DDX54: variants seen among roughly 807,000 people sequenced by gnomAD.
DDX54 encodes the protein ATP-dependent RNA helicase DDX54.
In DDX54, 67 loss-of-function variants were observed where a neutral mutation model predicts 105.5. The ratio of observed to expected loss-of-function variants is 0.64; its 90% confidence interval spans 0.52 to 0.78. The LOEUF (loss-of-function observed/expected upper bound fraction) is 0.78, where lower values mean the gene tolerates loss of function less well. Among genes scored for constraint, DDX54 ranks in the 30% least tolerant of loss-of-function variants. The probability of loss-of-function intolerance (pLI) is 0.00; values close to 1 mark genes in which losing one functional copy is unlikely to be tolerated. For missense variants in DDX54, 1,206 were observed against 1,230.5 expected (o/e 0.98, Z 0.30); for synonymous variants, 514 against 509.9 (o/e 1.01, Z -0.11).
intron 19 of DDX54, among the ~76,000 whole-genome samples, chr12:113,160,560 C>T (rs989684556): frequency 3.9e-5 from 6 of 152,222 alleles, no homozygotes; most frequent in African/African-American, 1.4e-4. Context: ...CTCTGGCAGA[C>T]AGAGCCGGCT....
Position 113,157,566 on chromosome 12 carries a change from G to A in DDX54, c.*1311C>T. On this transcript the variant is annotated 3_prime_UTR_variant, in exon 20 of 20. Coordinates refer to ENST00000306014, the MANE Select transcript of DDX54 (RefSeq NM_024072.4). ...GGGGTGGGGGCTGGACAGTGACTCT[G>A]GGGCTGGGATGTGACTTCGTGCTGG... 5 of 1,539,812 alleles carry A rather than the reference G, an allele frequency of 3.2e-6. No individual in the cohort carries two copies. Among genetic ancestry groups the A allele is most frequent in the Non-Finnish European group, 3.5e-6 (4 of 1,136,490 alleles).
In DDX54 at chr12:113,165,880, G is replaced by A. The variant is rs149566389; in HGVS notation, c.1567C>T (p.Arg523Cys). Residue 523 changes from arginine (R) to cysteine (C), a missense_variant, in exon 13 of 20, where the codon CGC becomes TGC. Physicochemically the swap from Arg to Cys is radical, Grantham distance 180. Transcript: ENST00000306014. The part of the protein sequence containing the change: ...DNAQQQYVRS[R>C]PAPSPESIKR... ...ATGGACTCAGGCGAGGGCGCCGGGC[G>A]TGAGCGCACATACTGCTGCTGGGCG... 1.1e-3 allele frequency: 1,746 copies of A among 1,613,696 alleles called. No individual in the cohort carries two copies. Among genetic ancestry groups the A allele is most frequent in the Non-Finnish European group, 1.4e-3 (1,657 of 1,180,012 alleles).
chr12:113,176,708 C>T, intron 7 of DDX54, 132 bp downstream of exon 7: 1 of 900,636 alleles, frequency 1.1e-6, no homozygotes, highest in Non-Finnish European at 1.7e-6. Context: ...GTCTGCAGCC[C>T]ACATCTGGGA....
At position 113,181,039 on chromosome 12, in the gene DDX54, A is replaced by AG; in HGVS notation, c.193dup (p.Leu65ProfsTer123). The AG allele has an allele frequency of 6.2e-7, 1 of 1,612,820 alleles. No homozygotes were observed. Among genetic ancestry groups the AG allele is most frequent in the East Asian group, 2.2e-5 (1 of 44,834 alleles). ...GCATTCCGAGGTGGGGAAGGTGGGC[A>AG]GGGGTCTTCCAGGTCCCAGCTGGGA... On this transcript the variant is annotated frameshift_variant, in exon 2 of 20. Transcript: ENST00000306014. LOFTEE classifies it high-confidence loss of function.
chr12:113,172,189 G>A (rs948383600), intron 11 of DDX54, among the ~76,000 whole-genome samples, 164 bp downstream of exon 11: 5 of 151,560 alleles, frequency 3.3e-5, no homozygotes, highest in African/African-American at 1.2e-4. Flanking sequence ...GCAGTGGCAC[G>A]ATCGCGAGTT....
intron 12 of DDX54, among the ~76,000 whole-genome samples, chr12:113,168,791 G>A (rs372829788): frequency 2.6e-5 from 4 of 152,142 alleles, no homozygotes; most frequent in Non-Finnish European, 4.4e-5. Context: ...TTAGCTGGGC[G>A]TGGTTGTGTG....
Position 113,164,300 on chromosome 12 carries a change from C to A in DDX54, c.1720-15G>T. The A allele has an allele frequency of 6.4e-7, 1 of 1,569,520 alleles. No homozygotes were observed. The highest frequency in any genetic ancestry group is 8.6e-7 in the Non-Finnish European group (1 of 1,159,784). On this transcript the variant is annotated splice_polypyrimidine_tract_variant and intron_variant, in intron 14 of 19. Transcript: ENST00000306014. ...TCAAAGATAGTCTGTGGAGGGGACA[C>A]CCAGTCCTTTGCCCACTGGCCTCCT...
chr12:113,173,192 A>C (rs1010564822), intron 10 of DDX54, among the ~76,000 whole-genome samples: 2 of 152,198 alleles, frequency 1.3e-5, no homozygotes, highest in East Asian at 3.8e-4. Context: ...AAATTAAAAT[A>C]AATAAAAAAT....
At chr12:113,161,193 G>A in intron 19 of DDX54, 77 bp downstream of exon 19, 1 of 1,198,506 alleles carries the variant, frequency 8.3e-7, no homozygotes, top group South Asian at 1.5e-5. Flanking sequence ...CCCTGCACCT[G>A]TGCCTCAGCG....
In DDX54 at chr12:113,182,602, G is replaced by C. The variant is rs989192656; in HGVS notation, c.175-1544C>G. ...TGAGACAGTCTCGTTCAGTCACCCA[G>C]GCTGGAGTGCAGTGGCAGGATCTTG... On this transcript the variant is annotated intron_variant, in intron 1 of 19. Transcript: ENST00000306014. Among the ~76,000 whole-genome samples the C allele has an allele frequency of 3.3e-5, 5 of 151,818 alleles. No homozygotes were observed. The East Asian group carries it at 9.7e-4, about 29-fold the overall frequency.
chr12:113,167,983 C>T, intron 12 of DDX54: 1 of 499,894 alleles, frequency 2.0e-6, no homozygotes, highest in Non-Finnish European at 4.0e-6. Context: ...CTCAGCTTTG[C>T]CCCCAGGAAA....
rs1206116590 is a variant in DDX54, at chr12:113,178,979, G to T, written c.612C>A (p.Asp204Glu). 6.2e-7 allele frequency: 1 copy of T among 1,614,100 alleles called. No individual in the cohort carries two copies. Among genetic ancestry groups the T allele is most frequent in the East Asian group, 2.2e-5 (1 of 44,890 alleles). The part of the protein sequence containing the change: ...GLKTALILGG[D>E]RMEDQFAALH... ...GGCATGGGGTGCAGGGACCTTACCT[G>T]TCTCCACCCAGGATCAGGGCAGTCT... The change falls in exon 5 of 20, where the codon GAC (aspartate) becomes GAA (glutamate). Residue 204 changes from aspartate to glutamate, a missense_variant and splice_region_variant. Transcript: ENST00000306014.
chr12:113,177,124 GA>G, intron 5 of DDX54, 31 bp from the exon 6 acceptor site: 1 of 1,610,572 alleles, frequency 6.2e-7, no homozygotes, highest in Non-Finnish European at 8.5e-7. Context: ...TAGCTTGATA[GA>G]ACAGGTCTCT....
intron 18 of DDX54, 72 bp from the exon 19 acceptor site, chr12:113,161,454 GCAGA>G (rs1418684863): frequency 8.1e-6 from 10 of 1,233,198 alleles, no homozygotes; most frequent in Admixed American, 3.9e-5. Context: ...CACTGCCCCA[GCAGA>G]CAGAGTTCCG....
intron 1 of DDX54, among the ~76,000 whole-genome samples, chr12:113,182,277 T>C (rs144862875): frequency 2.0e-5 from 3 of 152,342 alleles, no homozygotes; most frequent in Non-Finnish European, 4.4e-5. Context: ...ACTGTGACCC[T>C]CTAAGATTAA....
intron 18 of DDX54, 42 bp from the exon 19 acceptor site, chr12:113,161,424 T>C: frequency 9.8e-6 from 15 of 1,524,274 alleles, no homozygotes; most frequent in Non-Finnish European, 1.4e-5. Context: ...GCCCCTGGGA[T>C]GGGAGAAGGC....
At position 113,185,453 on chromosome 12, in the gene DDX54, C is replaced by A. The variant is rs561085514; in HGVS notation, c.-2G>T. 7.3e-6 allele frequency: 11 copies of A among 1,498,130 alleles called. No individual in the cohort carries two copies. The East Asian group carries it at 2.4e-4, about 32-fold the overall frequency. 92.8% of individuals were successfully genotyped at this position (1,498,130 alleles called of 1,614,324 possible). On this transcript the variant is annotated 5_prime_UTR_variant, in exon 1 of 20. Coordinates refer to ENST00000306014, the MANE Select transcript of DDX54 (RefSeq NM_024072.4). ...CGCCGGGCCCTTGTCGGCCGCCATT[C>A]GGGCCGCGCGCTGGGAACGCAGAAG...
Position 113,172,506 on chromosome 12 carries a change from C to T in DDX54, c.1126G>A (p.Ala376Thr), listed in dbSNP as rs757724538. 1.9e-6 allele frequency: 3 copies of T among 1,614,246 alleles called. No homozygotes were observed. In the African/African-American group the frequency reaches 4.0e-5, roughly 22 times the overall value. ...AHIYSALDPTARKINLAKFTL... is the reference protein window; with the variant it reads ...AHIYSALDPTTRKINLAKFTL... Reference sequence around the variant, plus strand: ...AATTTGGCGAGATTGATCTTGCGGGCTGTCGGGTCTAGGGCACTGTAGATG... The same window carrying T: ...AATTTGGCGAGATTGATCTTGCGGGTTGTCGGGTCTAGGGCACTGTAGATG... Residue 376 changes from alanine to threonine, a missense_variant, in exon 11 of 20, where the codon GCC becomes ACC. By Grantham distance (58) the Ala-to-Thr change is moderately conservative. Around this residue, in one of 3 missense-constraint regions of DDX54, gnomAD observed 961 missense variants for 1,019.1 expected, o/e 0.94. Transcript: ENST00000306014.
intron 14 of DDX54, among the ~76,000 whole-genome samples, chr12:113,165,368 T>G (rs1249013518): frequency 6.6e-6 from 1 of 152,172 alleles, no homozygotes; most frequent in African/African-American, 2.4e-5. Context: ...CTGTAAGTGC[T>G]AGGGAATGGC....
Sources: allele counts gnomAD v4.1 joint callset (sites outside exome capture counted in the v4.1 genomes callset), GRCh38; gene constraint gnomAD v4.1.1; regional missense constraint gnomAD v4.1.1; transcripts MANE v1.5; gene names NCBI Gene and HGNC (gene_info 2026-07-23, HGNC 2026-07-21).